The following AGK variants were observed in gnomAD, a reference collection of about 807,000 sequenced individuals.
The protein encoded by AGK is acylglycerol kinase, also known as acylglycerol kinase, mitochondrial.
Under a neutral mutation model 66.4 loss-of-function variants are expected in AGK, and 52 were observed. The observed-to-expected ratio is 0.78, with a 90% CI of 0.63 to 0.99. The LOEUF (loss-of-function observed/expected upper bound fraction) is 0.99, where lower values mean the gene tolerates loss of function less well. Among genes scored for constraint, AGK ranks in the 50% least tolerant of loss-of-function variants. AGK has a pLI of 0.00. For missense variants in AGK, 451 were observed against 506.6 expected, an observed-to-expected ratio of 0.89 and a Z score of 1.05; for synonymous variants, 182 against 181.1, an observed-to-expected ratio of 1.00 and a Z score of -0.04.
Position 141,653,824 on chromosome 7 carries a change from T to C in AGK, c.*900T>C, listed in dbSNP as rs1166788493. 1.3e-5 allele frequency: 2 copies of C among 152,270 alleles called. No individual in the cohort carries two copies. The highest frequency in any genetic ancestry group is 2.4e-5 in the African/African-American group (1 of 41,476). 9.4% of individuals were successfully genotyped at this position (152,270 alleles called of 1,614,324 possible). A position where few individuals can be genotyped will look rare whatever the true frequency, so the allele number is the denominator to read the frequency against. ...GTATCTAAAATTTTTCATGGGAAGT[T>C]AAATAGTTGACAAAGTATGTATTTG... On this transcript the variant is annotated 3_prime_UTR_variant, in exon 16 of 16. Transcript: ENST00000649286.
At chr7:141,626,828 G>T (rs1406527449) in intron 9 of AGK, among the ~76,000 whole-genome samples, 2 of 152,126 alleles carry the variant, frequency 1.3e-5, no homozygotes, top group Non-Finnish European at 2.9e-5. Flanking sequence ...AGGCAGTATT[G>T]GAACAATTAG....
chr7:141,557,681 G>A (rs1455219726), intron 2 of AGK, among the ~76,000 whole-genome samples: 1 of 152,202 alleles, frequency 6.6e-6, no homozygotes, highest in Non-Finnish European at 1.5e-5. Flanking sequence ...AACAGCTTGA[G>A]CCAGAAGTGT....
chr7:141,592,738 C>T (rs183496014), intron 2 of AGK, among the ~76,000 whole-genome samples: 1 of 152,048 alleles, frequency 6.6e-6, no homozygotes, highest in East Asian at 1.9e-4. Context: ...GAGTCTCGCT[C>T]TGTCGCCCGG....
intron 9 of AGK, among the ~76,000 whole-genome samples, chr7:141,629,252 A>G (rs1797005139): frequency 6.6e-6 from 1 of 152,178 alleles, no homozygotes; most frequent in East Asian, 1.9e-4. Context: ...CGTTTATTCC[A>G]ACCTGCTCGC....
In AGK at chr7:141,598,049, T is replaced by C. The variant is rs899040384; in HGVS notation, c.221+1408T>C. On this transcript the variant is annotated intron_variant, in intron 4 of 15. Coordinates refer to ENST00000649286, the MANE Select transcript of AGK (RefSeq NM_018238.4). This position sits in a 1 kb window ranked among gnomAD's most constrained non-coding sequence, Gnocchi z 4.2. ...GCTGAATTGTAAGTGGTAGGCATAATGTTGTCTGGAGTAAAACACAGGGTC... is the reference window on the plus strand; with the variant it reads ...GCTGAATTGTAAGTGGTAGGCATAACGTTGTCTGGAGTAAAACACAGGGTC... 5.3e-5 allele frequency among the ~76,000 whole-genome samples: 8 copies of C among 152,118 alleles called. No individual in the cohort carries two copies. Among genetic ancestry groups the C allele is most frequent in the African/African-American group, 1.9e-4 (8 of 41,416 alleles).
intron 2 of AGK, among the ~76,000 whole-genome samples, chr7:141,577,864 G>A (rs978108438): frequency 1.3e-5 from 2 of 150,618 alleles, no homozygotes; most frequent in Non-Finnish European, 3.0e-5. Flanking sequence ...TGTCACCCAG[G>A]CTGGCGTGCA....
At position 141,617,177 on chromosome 7, in the gene AGK, A is replaced by G. The variant is rs138084440; in HGVS notation, c.518+1612A>G. ...TTGTCTTCTCCTTGTGTCAGTGTAG[A>G]TTTTTTGAATTGCTTTAGCCAGTAT... On this transcript the variant is annotated intron_variant, in intron 8 of 15. Transcript: ENST00000649286. Among the ~76,000 whole-genome samples the G allele has an allele frequency of 2.2e-3, 327 of 152,028 alleles. 3 individuals carry two copies. Among genetic ancestry groups the G allele is most frequent in the African/African-American group, 7.2e-3 (298 of 41,472 alleles).
chr7:141,644,547 AG>A (rs1184940268), intron 13 of AGK, among the ~76,000 whole-genome samples: 1 of 152,242 alleles, frequency 6.6e-6, no homozygotes, highest in African/African-American at 2.4e-5. Flanking sequence ...TGTGAAAATT[AG>A]GATCTCTTAT....
intron 2 of AGK, among the ~76,000 whole-genome samples, chr7:141,562,467 T>C (rs971088605): frequency 6.6e-6 from 1 of 152,134 alleles, no homozygotes; most frequent in Non-Finnish European, 1.5e-5. Context: ...AGAAATACCT[T>C]CAGGTGGGGG....
intron 5 of AGK, 88 bp downstream of exon 5, chr7:141,601,368 G>C (rs1487083027): frequency 9.9e-7 from 1 of 1,006,666 alleles, no homozygotes; most frequent in Admixed American, 2.2e-5. Context: ...AAAATTGCTT[G>C]TCACAAGAGC....
intron 13 of AGK, 101 bp from the exon 14 acceptor site, chr7:141,649,162 A>G (rs1587175101): frequency 1.4e-6 from 1 of 704,222 alleles, no homozygotes; most frequent in Non-Finnish European, 2.5e-6. Context: ...TCCCCTATCT[A>G]TATATAGCTT....
chr7:141,577,138 C>G lies in AGK; in HGVS notation c.102-16008C>G, dbSNP rs531090610. 2.0e-3 allele frequency among the ~76,000 whole-genome samples: 297 copies of G among 152,290 alleles called. 2 individuals are homozygous for G. Among genetic ancestry groups the G allele is most frequent in the South Asian group, 3.1e-3 (15 of 4,816 alleles). On this transcript the variant is annotated intron_variant, in intron 2 of 15. Coordinates refer to ENST00000649286, the MANE Select transcript of AGK (RefSeq NM_018238.4). ...TCAGCCAGGGCACTCTAAAATTTAA[C>G]CTGAAAGACTGGTTTGGGCCATGAA... is the stretch of plus-strand genomic sequence containing the variant.
intron 14 of AGK, 93 bp from the exon 15 acceptor site, chr7:141,651,432 G>A: frequency 1.0e-6 from 1 of 986,468 alleles, no homozygotes. Flanking sequence ...ACTTATGTAA[G>A]CTCATAAAAA....
intron 9 of AGK, among the ~76,000 whole-genome samples, chr7:141,625,060 G>A (rs1246834424): frequency 1.3e-5 from 2 of 152,110 alleles, no homozygotes; most frequent in East Asian, 3.8e-4. Flanking sequence ...ACTCACTAAA[G>A]GCCTAGATAA....
chr7:141,626,118 T>G (rs539113285), intron 9 of AGK, among the ~76,000 whole-genome samples: 15 of 152,308 alleles, frequency 9.8e-5, no homozygotes, highest in African/African-American at 3.6e-4. Flanking sequence ...TGTGAAGGAT[T>G]GGCTTTCGCA....
chr7:141,611,668 T>A (rs1239511681), intron 6 of AGK, among the ~76,000 whole-genome samples: 1 of 152,232 alleles, frequency 6.6e-6, no homozygotes, highest in Non-Finnish European at 1.5e-5. Context: ...TAAACAGATA[T>A]TCAGCTATCC....
chr7:141,603,729 G>A (rs993999727), intron 5 of AGK, among the ~76,000 whole-genome samples: 4 of 152,112 alleles, frequency 2.6e-5, no homozygotes, highest in African/African-American at 9.7e-5. Context: ...CTGAGGAAGG[G>A]TGGTCTTCGA....
chr7:141,556,506 A>T (rs1319937681), intron 2 of AGK, among the ~76,000 whole-genome samples: 2 of 150,078 alleles, frequency 1.3e-5, no homozygotes, highest in Non-Finnish European at 3.0e-5. Flanking sequence ...GGGCCACTGC[A>T]CTCTAGCCTG....
intron 5 of AGK, among the ~76,000 whole-genome samples, chr7:141,602,129 C>G (rs1796358493): frequency 6.7e-6 from 1 of 149,530 alleles, no homozygotes; most frequent in African/African-American, 2.5e-5. Flanking sequence ...AAACTCACAG[C>G]TAAAACCATC....
Sources: gnomAD v4.1 joint callset for allele counts (sites outside exome capture counted in the v4.1 genomes callset) on GRCh38, gnomAD v4.1.1 for gene constraint, Gnocchi (gnomAD v3.1) non-coding constraint, MANE v1.5 for transcripts, NCBI Gene and HGNC (gene_info 2026-07-23, HGNC 2026-07-21) for gene names.